BFSP2: variants seen among roughly 807,000 people sequenced by gnomAD.
BFSP2 encodes the protein beaded filament structural protein 2, also known as phakinin.
Under a neutral mutation model 44.9 loss-of-function variants are expected in BFSP2, and 38 were observed. The observed-to-expected ratio is 0.85, with a 90% CI of 0.65 to 1.11. The LOEUF is 1.11. BFSP2 is among the 50% of genes least tolerant of loss of function. The probability of loss-of-function intolerance (pLI) is 0.00; values close to 1 mark genes in which losing one functional copy is unlikely to be tolerated. For missense variants in BFSP2, 525 were observed against 533.0 expected (o/e 0.99, Z 0.15); for synonymous variants, 197 against 209.9 (o/e 0.94, Z 0.53).
At position 133,424,216 on chromosome 3, in the gene BFSP2, T is replaced by TGTGTGTGTGTGTGTGTGTGTGTG. The variant is rs1559963358; in HGVS notation, c.490-23101_490-23100insGTGTGTGTGTGTGTGTGTGTGTG. The stretch of plus-strand genomic sequence containing the variant: ...GCCTACCACCGCGTCCAGCTAATTT[T>TGTGTGTGTGTGTGTGTGTGTGTG]TTTTTTTTTTTTTTTTTTTTTTTTT... On this transcript the variant is annotated intron_variant, in intron 1 of 6. Coordinates refer to ENST00000302334, the MANE Select transcript of BFSP2 (RefSeq NM_003571.4). Among the ~76,000 whole-genome samples the TGTGTGTGTGTGTGTGTGTGTGTG allele has an allele frequency of 5.7e-3, 283 of 49,362 alleles. 6 individuals are homozygous for TGTGTGTGTGTGTGTGTGTGTGTG. Among genetic ancestry groups the TGTGTGTGTGTGTGTGTGTGTGTG allele is most frequent in the Admixed American group, 7.5e-3 (46 of 6,134 alleles). The allele number at this position is 49,362 out of a possible 152,430, so 32.4% of individuals were successfully genotyped here. A position where few individuals can be genotyped will look rare whatever the true frequency, so the allele number is the denominator to read the frequency against.
intron 5 of BFSP2, among the ~76,000 whole-genome samples, chr3:133,471,095 A>G (rs1331318770): frequency 1.3e-5 from 2 of 152,230 alleles, no homozygotes; most frequent in Non-Finnish European, 2.9e-5. Flanking sequence ...ATACTGGGCC[A>G]GCTGTGTGTG....
intron 1 of BFSP2, among the ~76,000 whole-genome samples, chr3:133,435,354 CTG>C (rs1559968756): frequency 6.6e-6 from 1 of 152,332 alleles, no homozygotes; most frequent in East Asian, 1.9e-4. Flanking sequence ...GCATCACAAA[CTG>C]TTGCCATGAC....
Position 133,400,608 on chromosome 3 carries a change from G to T in BFSP2, c.489+36G>T. 6.4e-7 allele frequency: 1 copy of T among 1,561,728 alleles called. No homozygotes were observed. On this transcript the variant is annotated intron_variant, in intron 1 of 6. Coordinates refer to ENST00000302334, the MANE Select transcript of BFSP2 (RefSeq NM_003571.4). This position sits in a 1 kb window ranked among gnomAD's most constrained non-coding sequence, Gnocchi z 4.0. ...AGGCTGTGCCAAGGGCTTTGCAGAG[G>T]GCTGGGAGGGGCTGCTGAAGGCAGC...
intron 1 of BFSP2, among the ~76,000 whole-genome samples, chr3:133,444,792 C>T (rs1459561055): frequency 6.6e-6 from 1 of 151,900 alleles, no homozygotes; most frequent in Non-Finnish European, 1.5e-5. Flanking sequence ...TCCAGGCCAC[C>T]ATCATTAATA....
chr3:133,465,911 G>A (rs2074104559), intron 4 of BFSP2, among the ~76,000 whole-genome samples: 1 of 152,164 alleles, frequency 6.6e-6, no homozygotes, highest in Admixed American at 6.5e-5. Flanking sequence ...TTGCACCATT[G>A]TTTGTAATAG....
intron 1 of BFSP2, among the ~76,000 whole-genome samples, chr3:133,439,859 C>T (rs914125792): frequency 6.6e-6 from 1 of 152,054 alleles, no homozygotes; most frequent in Non-Finnish European, 1.5e-5. Flanking sequence ...ACATGAGTTC[C>T]AATCTGCATC....
chr3:133,472,610 TG>T lies in BFSP2; in HGVS notation c.1244+47del, dbSNP rs754429788. The T allele has an allele frequency of 2.5e-5, 40 of 1,570,164 alleles. No individual in the cohort carries two copies. In the Admixed American group the frequency reaches 7.4e-4, roughly 29 times the overall value. On this transcript the variant is annotated intron_variant, in intron 6 of 6. Coordinates refer to ENST00000302334, the MANE Select transcript of BFSP2 (RefSeq NM_003571.4). ...CAATTATCCAAGAGATGCATATTCA[TG>T]GCTTTAAAAATAATTATTTTCCAAA...
At chr3:133,440,704 C>T (rs1214723648) in intron 1 of BFSP2, among the ~76,000 whole-genome samples, 1 of 152,164 alleles carries the variant, frequency 6.6e-6, no homozygotes, top group Non-Finnish European at 1.5e-5. Context: ...GCATGACAGA[C>T]TTCTAGGGGC....
At chr3:133,437,653 G>GAAGAAAGAAAGAAAGA (rs544584713) in intron 1 of BFSP2, among the ~76,000 whole-genome samples, 1 of 151,370 alleles carries the variant, frequency 6.6e-6, no homozygotes, top group South Asian at 2.1e-4. Flanking sequence ...AGAGAGAAAG[G>GAAGAAAGAAAGAAAGA]AAGAAAGAAA....
intron 1 of BFSP2, chr3:133,429,604 A>T (rs1285756280): frequency 6.6e-6 from 1 of 152,178 alleles, no homozygotes; most frequent in Non-Finnish European, 1.5e-5. Flanking sequence ...ACCATCACAT[A>T]TTATTTCCAT....
At chr3:133,456,456 C>T (rs914569139) in intron 4 of BFSP2, among the ~76,000 whole-genome samples, 1 of 152,146 alleles carries the variant, frequency 6.6e-6, no homozygotes, top group Non-Finnish European at 1.5e-5. Context: ...CTACTGGCCT[C>T]AAGGGGTTAT....
chr3:133,414,891 GT>G (rs2073499898), intron 1 of BFSP2, among the ~76,000 whole-genome samples: 1 of 88,344 alleles, frequency 1.1e-5, no homozygotes, highest in Non-Finnish European at 2.2e-5. Flanking sequence ...ACTCATCCCT[GT>G]CCTCTCCCCA....
At chr3:133,412,690 T>A (rs2073467498) in intron 1 of BFSP2, 1 of 152,164 alleles carries the variant, frequency 6.6e-6, no homozygotes, top group South Asian at 2.1e-4. Flanking sequence ...CTGCTCTGTC[T>A]CCCTCCCTCT....
Position 133,400,484 on chromosome 3 carries a change from C to A in BFSP2, c.401C>A (p.Thr134Lys). 1 of 1,614,014 alleles carries A rather than the reference C, an allele frequency of 6.2e-7. No homozygotes were observed. Among genetic ancestry groups the A allele is most frequent in the Non-Finnish European group, 8.5e-7 (1 of 1,180,036 alleles). Residue 134 changes from threonine to lysine, a missense_variant, in exon 1 of 7, where the codon ACA becomes AAA. By Grantham distance (78) the Thr-to-Lys change is moderately conservative (BLOSUM62 -1). Coordinates refer to ENST00000302334, the MANE Select transcript of BFSP2 (RefSeq NM_003571.4). The surrounding 1 kb of genome is among the most constrained non-coding windows in gnomAD (Gnocchi z 4.0). ...GAGCAAGTCAGTCAGGAGCTGGAAA[C>A]ACAACTGCGGATGCACCTGGAGAGC... ...ALEQVSQELE[T>K]QLRMHLESKA...
chr3:133,421,272 A>G lies in BFSP2; in HGVS notation c.489+20700A>G, dbSNP rs147078976. ...GGGCTACCATAACAAAGGATTACAA[A>G]CTGGGTGGCTTAAAACAACAGAAAG... On this transcript the variant is annotated intron_variant, in intron 1 of 6. Coordinates refer to ENST00000302334, the MANE Select transcript of BFSP2 (RefSeq NM_003571.4). 2.1e-3 allele frequency among the ~76,000 whole-genome samples: 314 copies of G among 152,336 alleles called. 2 individuals carry two copies. Among genetic ancestry groups the G allele is most frequent in the African/African-American group, 7.4e-3 (306 of 41,578 alleles).
intron 1 of BFSP2, among the ~76,000 whole-genome samples, chr3:133,422,164 T>C (rs11718062): frequency 0.95 from 142,331 of 149,824 alleles, 67,651 homozygotes; most frequent in Non-Finnish European, 0.97. Flanking sequence ...GCTATTGGGG[T>C]CCAGAAAGGA....
chr3:133,447,362 GA>G lies in BFSP2; in HGVS notation c.538del (p.Thr180LeufsTer39). 6.2e-7 allele frequency: 1 copy of G among 1,614,054 alleles called. No individual in the cohort carries two copies. Among genetic ancestry groups the G allele is most frequent in the Non-Finnish European group, 8.5e-7 (1 of 1,180,014 alleles). On this transcript the variant is annotated frameshift_variant, in exon 2 of 7. Coordinates refer to ENST00000302334, the MANE Select transcript of BFSP2 (RefSeq NM_003571.4). LOFTEE classifies it high-confidence loss of function. Reference sequence around the variant, plus strand: ...AAATGCCCGGCTCATGCTGCAGACAGAAACTATCCAGGCCGGAGCAGATGAC... The same window carrying G: ...AAATGCCCGGCTCATGCTGCAGACAGAACTATCCAGGCCGGAGCAGATGAC... The part of the protein sequence containing the change: ...LENARLMLQT[E>X]TIQAGADDFK...
In BFSP2 at chr3:133,415,645, C is replaced by T. The variant is rs1240603647; in HGVS notation, c.489+15073C>T. On this transcript the variant is annotated intron_variant, in intron 1 of 6. Transcript: ENST00000302334. ...CCCTGCCCTCTCCCCTCTACTTACCCGTCATCTCCCCTCTACTCACACCTG... is the reference window on the plus strand; with the variant it reads ...CCCTGCCCTCTCCCCTCTACTTACCTGTCATCTCCCCTCTACTCACACCTG... 3.5e-5 allele frequency among the ~76,000 whole-genome samples: 4 copies of T among 114,504 alleles called. No individual in the cohort carries two copies. The East Asian group carries it at 9.3e-4, about 27-fold the overall frequency. The allele number at this position is 114,504 out of a possible 152,430, so 75.1% of individuals were successfully genotyped here. A position where few individuals can be genotyped will look rare whatever the true frequency, so the allele number is the denominator to read the frequency against.
At chr3:133,438,165 A>T (rs1045231225) in intron 1 of BFSP2, among the ~76,000 whole-genome samples, 1 of 152,202 alleles carries the variant, frequency 6.6e-6, no homozygotes, top group African/African-American at 2.4e-5. Flanking sequence ...GTCAGCTAGA[A>T]GTCAGTAAAC....
Sources: gnomAD v4.1 joint callset for allele counts (sites outside exome capture counted in the v4.1 genomes callset) on GRCh38, gnomAD v4.1.1 for gene constraint, Gnocchi (gnomAD v3.1) non-coding constraint, MANE v1.5 for transcripts, NCBI Gene and HGNC (gene_info 2026-07-23, HGNC 2026-07-21) for gene names.